The following SH3D19 variants were observed in gnomAD, a reference collection of about 807,000 sequenced individuals.
SH3D19 encodes the protein SH3 domain-containing protein 19.
A neutral mutation model predicts 112.1 loss-of-function variants in SH3D19; 58 were observed. The ratio of observed to expected loss-of-function variants is 0.52; its 90% confidence interval spans 0.42 to 0.64. The LOEUF is 0.64. Ranked by LOEUF, SH3D19 falls within the 30% of genes least tolerant of loss-of-function variation. The pLI is 0.00. For missense variants in SH3D19, 1,090 were observed against 1,263.4 expected (o/e 0.86, Z 2.08); for synonymous variants, 391 against 448.5 (o/e 0.87, Z 1.62).
chr4:151,266,520 G>C (rs992430930), intron 1 of SH3D19, among the ~76,000 whole-genome samples: 2 of 152,152 alleles, frequency 1.3e-5, no homozygotes, highest in African/African-American at 4.8e-5. Context: ...GAGGTGCCCT[G>C]GTTGGGAAAA....
rs182484409 is a variant in SH3D19, at chr4:151,148,388, A to T, written c.1818-202T>A. On this transcript the variant is annotated intron_variant, in intron 10 of 19. Transcript: ENST00000604030. ...GCTGCATTAAACATTACATTATTAGAGGAAATGCCATGATGTTCCAGTTTC... is the reference window on the plus strand; with the variant it reads ...GCTGCATTAAACATTACATTATTAGTGGAAATGCCATGATGTTCCAGTTTC... Among the ~76,000 whole-genome samples the T allele has an allele frequency of 3.3e-5, 5 of 152,278 alleles. No individual in the cohort carries two copies. The East Asian group carries it at 9.6e-4, about 29-fold the overall frequency.
intron 1 of SH3D19, among the ~76,000 whole-genome samples, chr4:151,257,253 A>G (rs993233000): frequency 2.6e-5 from 4 of 151,886 alleles, no homozygotes; most frequent in African/African-American, 9.7e-5. Context: ...ATGCCCGGCT[A>G]ATTTTTGTAT....
chr4:151,190,765 G>C (rs1376428281), intron 2 of SH3D19, among the ~76,000 whole-genome samples: 1 of 152,238 alleles, frequency 6.6e-6, no homozygotes, highest in Admixed American at 6.5e-5. Context: ...CTCTGATAGG[G>C]CAGTGCAGAA....
At chr4:151,261,268 A>T (rs1241822771) in intron 1 of SH3D19, 1 of 152,174 alleles carries the variant, frequency 6.6e-6, no homozygotes, top group Non-Finnish European at 1.5e-5. Context: ...TTCTCTTCTC[A>T]GGTCTAAGGA....
intron 7 of SH3D19, 148 bp downstream of exon 7, chr4:151,174,522 C>T: frequency 1.6e-6 from 1 of 626,852 alleles, no homozygotes; most frequent in East Asian, 3.2e-5. Flanking sequence ...TCTGTTCATT[C>T]CTCTGTTTCT....
rs57143221 is a variant in SH3D19, at chr4:151,213,687, A to ATTT, written c.152+12359_152+12360insAAA. On this transcript the variant is annotated intron_variant, in intron 2 of 19. Coordinates refer to ENST00000604030, the MANE Select transcript of SH3D19 (RefSeq NM_001378122.1). ...ATATGAATTAATTAATTAATTAATT[A>ATTT]ATTTATTTATTTATTTGACAGGGTC... Among the ~76,000 whole-genome samples, 14 of 148,444 alleles carry ATTT rather than the reference A, an allele frequency of 9.4e-5. No homozygotes were observed. In the South Asian group the frequency reaches 1.1e-3, roughly 11 times the overall value.
At chr4:151,256,836 G>A (rs1771964995) in intron 1 of SH3D19, among the ~76,000 whole-genome samples, 1 of 152,012 alleles carries the variant, frequency 6.6e-6, no homozygotes, top group Admixed American at 6.5e-5. Context: ...TACCTCCTGG[G>A]TTCAAGCGAT....
At chr4:151,273,264 A>C (rs1367845121) in intron 1 of SH3D19, among the ~76,000 whole-genome samples, 2 of 152,114 alleles carry the variant, frequency 1.3e-5, no homozygotes, top group African/African-American at 4.8e-5. Context: ...TAAAGGGTAT[A>C]AGCCAGTACT....
rs1730941607 is a variant in SH3D19, at chr4:151,325,283, G to A, written c.70C>T (p.Arg24Cys). The stretch of plus-strand genomic sequence containing the variant: ...GAGAGCGCACGGCCCCGGGCGCGGC[G>A]CTGGCCACCAAGTTCGCGGCGCTCG... ...LRERRELGGQ[R>C]RARGRALSGH... is the part of the protein sequence containing the mutation. The change falls in exon 1 of 20, where the codon CGC becomes TGC. Residue 24 changes from arginine (R) to cysteine (C), a missense_variant. Coordinates refer to ENST00000604030, the MANE Select transcript of SH3D19 (RefSeq NM_001378122.1). 1 of 1,221,498 alleles carries A rather than the reference G, an allele frequency of 8.2e-7. No homozygotes were observed. Among genetic ancestry groups the A allele is most frequent in the East Asian group, 3.2e-5 (1 of 30,806 alleles). 75.7% of individuals were successfully genotyped at this position (1,221,498 alleles called of 1,614,324 possible). A position where few individuals can be genotyped will look rare whatever the true frequency, so the allele number is the denominator to read the frequency against.
chr4:151,122,223 A>G lies in SH3D19; in HGVS notation c.3028-16T>C. On this transcript the variant is annotated splice_polypyrimidine_tract_variant and intron_variant, in intron 19 of 19. Coordinates refer to ENST00000604030, the MANE Select transcript of SH3D19 (RefSeq NM_001378122.1). ...TATCTCCAGCCTGTAAGACAAAAGGAGTTAGAATTACTGGTTTCTGTTGAG... is the reference window on the plus strand; with the variant it reads ...TATCTCCAGCCTGTAAGACAAAAGGGGTTAGAATTACTGGTTTCTGTTGAG... 1 of 1,392,134 alleles carries G rather than the reference A, an allele frequency of 7.2e-7. No homozygotes were observed. The allele number at this position is 1,392,134 out of a possible 1,614,324, so 86.2% of individuals were successfully genotyped here.
chr4:151,255,208 G>C (rs1184718000), intron 1 of SH3D19, among the ~76,000 whole-genome samples: 1 of 151,224 alleles, frequency 6.6e-6, no homozygotes, highest in African/African-American at 2.4e-5. Flanking sequence ...CTGCCGGGCG[G>C]AGAGGCTCCT....
At position 151,280,401 on chromosome 4, in the gene SH3D19, ACTGCAGCTCACCTTGATTGCAG is replaced by A. The variant is rs535638399; in HGVS notation, c.112+44818_112+44839del. 2.1e-3 allele frequency among the ~76,000 whole-genome samples: 325 copies of A among 152,256 alleles called. 2 individuals carry two copies. The highest frequency in any genetic ancestry group is 7.3e-3 in the East Asian group (38 of 5,184). ...GACACAGATCCTCCCCAGTAAGATG[ACTGCAGCTCACCTTGATTGCAG>A]CTGCAGCTCACCTTGATTGCAGCCA... On this transcript the variant is annotated intron_variant, in intron 1 of 19. Coordinates refer to ENST00000604030, the MANE Select transcript of SH3D19 (RefSeq NM_001378122.1).
chr4:151,218,422 T>C (rs2407413), intron 2 of SH3D19, among the ~76,000 whole-genome samples: 105,403 of 151,738 alleles, frequency 0.69, 41,679 homozygotes, highest in Non-Finnish European at 0.89. Context: ...AGTTTTTTTT[T>C]TTTCTTTCTT....
At chr4:151,232,462 G>T (rs1417880669) in intron 1 of SH3D19, among the ~76,000 whole-genome samples, 4 of 152,068 alleles carry the variant, frequency 2.6e-5, no homozygotes, top group Non-Finnish European at 5.9e-5. Context: ...GTACACTTAA[G>T]CATACCACAA....
chr4:151,178,213 TTC>T (rs1446076903), intron 4 of SH3D19, among the ~76,000 whole-genome samples: 2 of 152,340 alleles, frequency 1.3e-5, no homozygotes, highest in East Asian at 3.9e-4. Context: ...TGTTTAAATT[TTC>T]TCTTAAACCT....
intron 2 of SH3D19, among the ~76,000 whole-genome samples, chr4:151,214,421 C>T (rs1580197924): frequency 2.0e-4 from 3 of 14,636 alleles, no homozygotes; most frequent in Admixed American, 1.4e-3. Context: ...GGCAGAGGCG[C>T]CCCTCACCTC....
chr4:151,144,176 A>C, intron 11 of SH3D19, 126 bp from the exon 12 acceptor site: 1 of 1,465,904 alleles, frequency 6.8e-7, no homozygotes, highest in Non-Finnish European at 9.3e-7. Flanking sequence ...GAGGCCAGTA[A>C]TTTTTTTTTT....
chr4:151,318,172 G>A (rs1292347765), intron 1 of SH3D19, among the ~76,000 whole-genome samples: 6 of 149,940 alleles, frequency 4.0e-5, no homozygotes, highest in South Asian at 2.1e-4. Context: ...ATGGTGGCAC[G>A]TGCCTGTAGT....
At chr4:151,206,007 A>AACAC (rs10635205) in intron 2 of SH3D19, among the ~76,000 whole-genome samples, 16 of 151,210 alleles carry the variant, frequency 1.1e-4, no homozygotes, top group East Asian at 7.8e-4. Flanking sequence ...TTGAGAGGAA[A>AACAC]ACACACACAC....
Sources: gnomAD v4.1 joint callset for allele counts (sites outside exome capture counted in the v4.1 genomes callset) on GRCh38, gnomAD v4.1.1 for gene constraint, MANE v1.5 for transcripts, NCBI Gene and HGNC (gene_info 2026-07-23, HGNC 2026-07-21) for gene names.